CFAP299: variants seen among roughly 807,000 people sequenced by gnomAD.
CFAP299 encodes the protein cilia- and flagella-associated protein 299.
A neutral mutation model predicts 27.0 loss-of-function variants in CFAP299; 21 were observed. That is an observed-to-expected ratio of 0.78 (90% confidence interval 0.55 to 1.12). The LOEUF is 1.12. Among genes scored for constraint, CFAP299 ranks in the 50% most tolerant of loss-of-function variants. CFAP299 has a pLI of 0.00. For synonymous variants in CFAP299, 104 were observed against 98.1 expected (o/e 1.06, Z -0.36); for missense variants, 310 against 276.6 (o/e 1.12, Z -0.86).
chr4:80,883,811 A>C (rs912306372), intron 4 of CFAP299, among the ~76,000 whole-genome samples: 7 of 152,178 alleles, frequency 4.6e-5, no homozygotes, highest in African/African-American at 1.7e-4. Context: ...ATAGCAATAC[A>C]ATAATAATAG....
intron 3 of CFAP299, among the ~76,000 whole-genome samples, chr4:80,814,719 T>TAA (rs530353597): frequency 1.4e-5 from 2 of 146,146 alleles, no homozygotes; most frequent in African/African-American, 5.0e-5. Flanking sequence ...CTTTATGTCT[T>TAA]AAAAAAAAAA....
intron 2 of CFAP299, among the ~76,000 whole-genome samples, chr4:80,502,560 G>A (rs887113908): frequency 6.6e-6 from 1 of 152,000 alleles, no homozygotes; most frequent in Non-Finnish European, 1.5e-5. Flanking sequence ...CCTCTTATCT[G>A]ATTTCTGTAT....
intron 2 of CFAP299, among the ~76,000 whole-genome samples, chr4:80,416,083 A>T (rs1159765027): frequency 6.6e-6 from 1 of 152,218 alleles, no homozygotes; most frequent in Non-Finnish European, 1.5e-5. Flanking sequence ...TTTGAAGAGC[A>T]TCCTTTCCTG....
chr4:80,915,696 A>G (rs371025834), intron 4 of CFAP299, among the ~76,000 whole-genome samples: 1 of 151,436 alleles, frequency 6.6e-6, no homozygotes, highest in African/African-American at 2.4e-5. Context: ...CTGTTTTTTT[A>G]TTGTTTCTAT....
chr4:80,619,428 TGAA>T (rs1171144530), intron 3 of CFAP299, among the ~76,000 whole-genome samples: 6 of 152,124 alleles, frequency 3.9e-5, no homozygotes, highest in African/African-American at 1.4e-4. Flanking sequence ...TACTTAGTGT[TGAA>T]GAACTTTAGT....
At chr4:80,439,302 A>G (rs1477058667) in intron 2 of CFAP299, among the ~76,000 whole-genome samples, 1 of 152,168 alleles carries the variant, frequency 6.6e-6, no homozygotes, top group Non-Finnish European at 1.5e-5. Flanking sequence ...TCCCAGGGAG[A>G]CCAACGCAGA....
At chr4:80,602,348 G>T (rs1429689250) in intron 3 of CFAP299, among the ~76,000 whole-genome samples, 5 of 152,110 alleles carry the variant, frequency 3.3e-5, no homozygotes, top group Admixed American at 2.0e-4. Context: ...AGTTGTACAG[G>T]CTTATCCTCG....
chr4:80,492,132 G>T (rs1731167583), intron 2 of CFAP299, among the ~76,000 whole-genome samples: 1 of 152,140 alleles, frequency 6.6e-6, no homozygotes, highest in South Asian at 2.1e-4. Context: ...TAGCCTGGAA[G>T]CCTCCCGACT....
chr4:80,460,838 TA>T (rs1729401963), intron 2 of CFAP299, among the ~76,000 whole-genome samples: 1 of 152,148 alleles, frequency 6.6e-6, no homozygotes. Flanking sequence ...CTCTGTAAAA[TA>T]TTTGAAGAGA....
At chr4:80,852,903 C>T (rs76196122) in intron 3 of CFAP299, among the ~76,000 whole-genome samples, 4,523 of 152,264 alleles carry the variant, frequency 0.03, 240 homozygotes, top group African/African-American at 0.1. Context: ...AGTTGTTGAG[C>T]GGCCAGTATG....
intron 3 of CFAP299, among the ~76,000 whole-genome samples, chr4:80,694,466 A>G (rs938387842): frequency 6.6e-6 from 1 of 152,242 alleles, no homozygotes; most frequent in Non-Finnish European, 1.5e-5. Flanking sequence ...CTCAACTTTG[A>G]TGACTAACAT....
At chr4:80,903,497 G>A (rs1470469351) in intron 4 of CFAP299, among the ~76,000 whole-genome samples, 1 of 151,158 alleles carries the variant, frequency 6.6e-6, no homozygotes, top group Non-Finnish European at 1.5e-5. Flanking sequence ...ATCCAGAAAG[G>A]GAAAAAAACT....
chr4:80,467,140 G>A (rs918553860), intron 2 of CFAP299, among the ~76,000 whole-genome samples: 4 of 152,174 alleles, frequency 2.6e-5, no homozygotes, highest in African/African-American at 9.7e-5. Context: ...GCATTCACAA[G>A]CCTGCAAGTC....
At chr4:80,835,666 G>T (rs1730525124) in intron 3 of CFAP299, among the ~76,000 whole-genome samples, 1 of 152,000 alleles carries the variant, frequency 6.6e-6, no homozygotes, top group Non-Finnish European at 1.5e-5. Context: ...TTATCCAGAT[G>T]GGCCCCAAAT....
intron 4 of CFAP299, chr4:80,872,912 GTTC>G (rs201374253): frequency 9.1e-4 from 856 of 944,252 alleles, no homozygotes; most frequent in South Asian, 1.5e-3. Flanking sequence ...TCTGTGTGTA[GTTC>G]TTCTTCTTTT....
intron 3 of CFAP299, among the ~76,000 whole-genome samples, chr4:80,632,456 C>G (rs1739259548): frequency 1.3e-5 from 2 of 152,092 alleles, no homozygotes; most frequent in African/African-American, 4.8e-5. Context: ...ATTTATTCAG[C>G]ATCTATTATA....
chr4:80,446,068 A>C (rs554212632), intron 2 of CFAP299, among the ~76,000 whole-genome samples: 1 of 152,322 alleles, frequency 6.6e-6, no homozygotes, highest in African/African-American at 2.4e-5. Context: ...GATGGAGATT[A>C]GCATGCTTGA....
chr4:80,696,823 C>T (rs1278483826), intron 3 of CFAP299, among the ~76,000 whole-genome samples: 1 of 152,052 alleles, frequency 6.6e-6, no homozygotes, highest in Non-Finnish European at 1.5e-5. Flanking sequence ...ATACTAAGTC[C>T]AATGTGCTTG....
chr4:80,742,980 A>G (rs1358772476), intron 3 of CFAP299, among the ~76,000 whole-genome samples: 1 of 152,202 alleles, frequency 6.6e-6, no homozygotes, highest in Non-Finnish European at 1.5e-5. Context: ...TGATTCAGAT[A>G]TATATGTGGA....
Sources: allele counts gnomAD v4.1 joint callset (sites outside exome capture counted in the v4.1 genomes callset), GRCh38; gene constraint gnomAD v4.1.1; transcripts MANE v1.5; gene names NCBI Gene and HGNC (gene_info 2026-07-23, HGNC 2026-07-21).